The following PRDM6 variants were observed in gnomAD, a reference collection of about 807,000 sequenced individuals.
PRDM6 encodes the protein putative histone-lysine N-methyltransferase PRDM6.
Under a neutral mutation model 60.8 loss-of-function variants are expected in PRDM6, and 25 were observed. The ratio of observed to expected loss-of-function variants is 0.41; its 90% confidence interval spans 0.30 to 0.57. The LOEUF (loss-of-function observed/expected upper bound fraction) is 0.57. Among genes scored for constraint, PRDM6 ranks in the 20% least tolerant of loss-of-function variants. The pLI is 0.27. For missense variants in PRDM6, 839 were observed against 821.3 expected (o/e 1.02, Z -0.26); for synonymous variants, 407 against 357.4 (o/e 1.14, Z -1.57).
At chr5:123,100,011 A>AGCAGGGAGCCTTGGCCG (rs768520699) in intron 3 of PRDM6, 50 bp downstream of exon 3, 53 of 1,442,210 alleles carry the variant, frequency 3.7e-5, no homozygotes, top group Admixed American at 7.9e-5. Flanking sequence ...AGCCTTGGCC[A>AGCAGGGAGCCTTGGCCG]GCAGGGAGCC....
chr5:123,143,326 C>T (rs1314362357), intron 3 of PRDM6, among the ~76,000 whole-genome samples: 2 of 152,248 alleles, frequency 1.3e-5, no homozygotes, highest in South Asian at 2.1e-4. Context: ...ATAGACCCGA[C>T]GTAAGAGATT....
intron 4 of PRDM6, 81 bp from the exon 5 acceptor site, chr5:123,159,433 T>C: frequency 6.7e-7 from 1 of 1,487,536 alleles, no homozygotes. Context: ...TGCGTAGAAC[T>C]TTTTCAGGGC....
Position 123,130,368 on chromosome 5 carries a change from C to T in PRDM6, c.901-25516C>T, listed in dbSNP as rs1031519903. 4.5e-5 allele frequency among the ~76,000 whole-genome samples: 6 copies of T among 133,098 alleles called. No homozygotes were observed. The Admixed American group carries it at 4.8e-4, about 11-fold the overall frequency. 87.3% of individuals were successfully genotyped at this position (133,098 alleles called of 152,430 possible). A position where few individuals can be genotyped will look rare whatever the true frequency, so the allele number is the denominator to read the frequency against. ...TCTCTCCCTCCTTTTTTTCTTCCCTCCTCCTTTTTTCTCTCTTTATCTCTT... is the reference window on the plus strand; with the variant it reads ...TCTCTCCCTCCTTTTTTTCTTCCCTTCTCCTTTTTTCTCTCTTTATCTCTT... On this transcript the variant is annotated intron_variant, in intron 3 of 7. Transcript: ENST00000407847.
At chr5:123,170,679 T>C in intron 5 of PRDM6, 87 bp from the exon 6 acceptor site, 1 of 950,526 alleles carries the variant, frequency 1.1e-6, no homozygotes, top group African/African-American at 1.7e-5. Flanking sequence ...AAAAGGTTGA[T>C]TTATTTGATT....
intron 3 of PRDM6, among the ~76,000 whole-genome samples, chr5:123,150,079 C>T (rs888544754): frequency 1.3e-5 from 2 of 152,106 alleles, no homozygotes; most frequent in African/African-American, 2.4e-5. Flanking sequence ...CTAAGGCTGG[C>T]TATGTTCTTT....
intron 3 of PRDM6, among the ~76,000 whole-genome samples, chr5:123,132,354 G>A (rs895605064): frequency 2.0e-5 from 3 of 152,106 alleles, no homozygotes; most frequent in Non-Finnish European, 4.4e-5. Flanking sequence ...TTTCACATAA[G>A]TAGGATAAAC....
At chr5:123,170,048 G>T (rs1765849628) in intron 5 of PRDM6, among the ~76,000 whole-genome samples, 1 of 152,098 alleles carries the variant, frequency 6.6e-6, no homozygotes, top group Admixed American at 6.5e-5. Context: ...GCTCAGGAAT[G>T]GTCTGTGTCT....
At chr5:123,142,078 G>T (rs1052881139) in intron 3 of PRDM6, among the ~76,000 whole-genome samples, 1 of 152,078 alleles carries the variant, frequency 6.6e-6, no homozygotes, top group Non-Finnish European at 1.5e-5. Flanking sequence ...CATAAATTAT[G>T]ATTAAATTTG....
At chr5:123,117,150 C>T (rs1407492659) in intron 3 of PRDM6, among the ~76,000 whole-genome samples, 2 of 152,140 alleles carry the variant, frequency 1.3e-5, no homozygotes, top group African/African-American at 4.8e-5. Flanking sequence ...ATGACTTTTC[C>T]CAGGGGTCCT....
At chr5:123,125,157 C>A (rs1366618307) in intron 3 of PRDM6, among the ~76,000 whole-genome samples, 1 of 5,918 alleles carries the variant, frequency 1.7e-4, no homozygotes, top group Non-Finnish European at 6.7e-4. Flanking sequence ...CCCCTCCCCC[C>A]CACCCGCCGG....
At chr5:123,125,392 T>TA (rs5871025) in intron 3 of PRDM6, among the ~76,000 whole-genome samples, 133,387 of 152,202 alleles carry the variant, frequency 0.88, 58,904 homozygotes, top group East Asian at 0.99. Flanking sequence ...GCATTGAAGT[T>TA]AACAATGTTA....
intron 3 of PRDM6, among the ~76,000 whole-genome samples, chr5:123,103,860 A>G (rs555323223): frequency 7.2e-5 from 11 of 152,112 alleles, no homozygotes; most frequent in Non-Finnish European, 1.3e-4. Context: ...CAAGAATGAC[A>G]AAATAAATTG....
intron 3 of PRDM6, among the ~76,000 whole-genome samples, chr5:123,114,735 AG>A (rs550123874): frequency 6.6e-4 from 100 of 152,374 alleles, no homozygotes; most frequent in Non-Finnish European, 1.3e-3. Flanking sequence ...GGGTGCTGAA[AG>A]CCTGGTGTTT....
chr5:123,137,155 C>T (rs867590718), intron 3 of PRDM6, among the ~76,000 whole-genome samples: 1 of 152,156 alleles, frequency 6.6e-6, no homozygotes, highest in African/African-American at 2.4e-5. Context: ...TCACAATATA[C>T]CCATTTCTAA....
At chr5:123,118,386 G>T (rs962425286) in intron 3 of PRDM6, among the ~76,000 whole-genome samples, 2 of 152,180 alleles carry the variant, frequency 1.3e-5, no homozygotes, top group Non-Finnish European at 2.9e-5. Flanking sequence ...TTGAAAACTA[G>T]GTAGAGAGTT....
At position 123,123,148 on chromosome 5, in the gene PRDM6, G is replaced by A. The variant is rs540796772; in HGVS notation, c.900+23187G>A. On this transcript the variant is annotated intron_variant, in intron 3 of 7. Transcript: ENST00000407847. ...TATCAGTTTACACTCCCCTGATAGG[G>A]TGAGAGTATTTGCTTCTCTGATTCC... 3.9e-5 allele frequency among the ~76,000 whole-genome samples: 6 copies of A among 152,276 alleles called. No individual in the cohort carries two copies. The South Asian group carries it at 1.2e-3, about 32-fold the overall frequency.
intron 5 of PRDM6, among the ~76,000 whole-genome samples, chr5:123,168,823 G>A (rs915969184): frequency 6.6e-6 from 1 of 152,248 alleles, no homozygotes; most frequent in Non-Finnish European, 1.5e-5. Flanking sequence ...TAACACATGT[G>A]ATGCTGCAGA....
rs894889456 is a variant in PRDM6 at position 123,099,538 on chromosome 5, G to C, written c.593-116G>C. On this transcript the variant is annotated intron_variant, in intron 2 of 7. Transcript: ENST00000407847. This position sits in a 1 kb window ranked among gnomAD's most constrained non-coding sequence, Gnocchi z 4.0. ...CCCCAAGGCATCACCTTCCTCGAAG[G>C]TGGCTTACCCAGGCGGGCGGTGATG... is the stretch of plus-strand genomic sequence containing the variant. The C allele has an allele frequency of 3.8e-5, 36 of 949,618 alleles. No homozygotes were observed. The African/African-American group carries it at 5.9e-4, about 15-fold the overall frequency. 58.8% of individuals were successfully genotyped at this position (949,618 alleles called of 1,614,324 possible). A position where few individuals can be genotyped will look rare whatever the true frequency, so the allele number is the denominator to read the frequency against.
rs1766324924 is a variant in PRDM6, at chr5:123,187,897, C to A, written c.*696C>A. 5 of 151,946 alleles carry A rather than the reference C, an allele frequency of 3.3e-5. No homozygotes were observed. The allele number at this position is 151,946 out of a possible 1,614,324, so 9.4% of individuals were successfully genotyped here. A position where few individuals can be genotyped will look rare whatever the true frequency, so the allele number is the denominator to read the frequency against. On this transcript the variant is annotated 3_prime_UTR_variant, in exon 8 of 8. Transcript: ENST00000407847. ...GAAAAAGTTGAGGACTTATTTTGTC[C>A]TGTCAAGATTGCAAGAACATGTAAA...
Sources: gnomAD v4.1 joint callset for allele counts (sites outside exome capture counted in the v4.1 genomes callset) on GRCh38, gnomAD v4.1.1 for gene constraint, Gnocchi (gnomAD v3.1) non-coding constraint, MANE v1.5 for transcripts, NCBI Gene and HGNC (gene_info 2026-07-23, HGNC 2026-07-21) for gene names.